VDAC1: variants seen among roughly 807,000 people sequenced by gnomAD.
VDAC1 encodes non-selective voltage-gated ion channel VDAC1.
A neutral mutation model predicts 34.7 loss-of-function variants in VDAC1; 10 were observed. The observed-to-expected ratio is 0.29, with a 90% CI of 0.18 to 0.49. The LOEUF (loss-of-function observed/expected upper bound fraction) is 0.49. VDAC1 is among the 20% of genes least tolerant of loss of function. The pLI is 0.99. For missense variants in VDAC1, 230 were observed against 347.9 expected (o/e 0.66, Z 2.69); for synonymous variants, 130 against 136.0 (o/e 0.96, Z 0.30).
chr5:134,067,972 G>C, the VDAC1 span, among the ~76,000 whole-genome samples: 2 of 152,104 alleles, frequency 1.3e-5, no homozygotes. Context: ...AAAAAAATTA[G>C]CCGGTCATGG....
the VDAC1 span, among the ~76,000 whole-genome samples, chr5:134,104,625 T>A: frequency 6.6e-6 from 1 of 152,150 alleles, no homozygotes; most frequent in Non-Finnish European, 1.5e-5. Flanking sequence ...TACCTCCTGC[T>A]TCAGCTTTTT....
chr5:134,088,336 G>GC, the VDAC1 span, among the ~76,000 whole-genome samples: 1 of 152,198 alleles, frequency 6.6e-6, no homozygotes, highest in Non-Finnish European at 1.5e-5. Context: ...TGAAAAGGGG[G>GC]CCCCCAAGGC....
At chr5:133,978,019 G>A (rs531331588) in intron 6 of VDAC1, among the ~76,000 whole-genome samples, 4 of 152,222 alleles carry the variant, frequency 2.6e-5, no homozygotes, top group Non-Finnish European at 4.4e-5. Context: ...CCTCATCATT[G>A]TGGGCATTTC....
the VDAC1 span, among the ~76,000 whole-genome samples, chr5:134,020,718 C>A: frequency 2.0e-5 from 3 of 151,892 alleles, no homozygotes; most frequent in Admixed American, 6.6e-5. Context: ...GCTCAGTCAC[C>A]CAGGCTGGAG....
chr5:134,032,393 C>T, the VDAC1 span, among the ~76,000 whole-genome samples: 1 of 152,044 alleles, frequency 6.6e-6, no homozygotes, highest in Non-Finnish European at 1.5e-5. Context: ...AATAGGAAAC[C>T]AATATATTAC....
chr5:134,034,953 G>A, the VDAC1 span, among the ~76,000 whole-genome samples: 2 of 152,050 alleles, frequency 1.3e-5, no homozygotes, highest in African/African-American at 4.8e-5. Flanking sequence ...AGAGAGGGGG[G>A]ACATGTAGAA....
intron 1 of VDAC1, among the ~76,000 whole-genome samples, chr5:134,000,204 G>A (rs749831985): frequency 6.6e-6 from 1 of 152,200 alleles, no homozygotes; most frequent in Non-Finnish European, 1.5e-5. Flanking sequence ...CCAGGATGCT[G>A]GCAAAGGCTG....
At chr5:134,045,508 C>T in the VDAC1 span, among the ~76,000 whole-genome samples, 1 of 152,140 alleles carries the variant, frequency 6.6e-6, no homozygotes, top group Non-Finnish European at 1.5e-5. Flanking sequence ...TGGCTTAGGA[C>T]ATCATCCTCA....
chr5:134,084,987 C>A, the VDAC1 span, among the ~76,000 whole-genome samples: 1 of 152,146 alleles, frequency 6.6e-6, no homozygotes, highest in Admixed American at 6.5e-5. Flanking sequence ...CACCTCTCTA[C>A]CTCACAGGCC....
chr5:134,088,306 C>A, the VDAC1 span, among the ~76,000 whole-genome samples: 2 of 152,246 alleles, frequency 1.3e-5, no homozygotes, highest in Non-Finnish European at 2.9e-5. Context: ...GGACTAGGCA[C>A]AGGGTGGGCC....
At chr5:134,070,346 T>C in the VDAC1 span, among the ~76,000 whole-genome samples, 2 of 152,142 alleles carry the variant, frequency 1.3e-5, no homozygotes, top group East Asian at 1.9e-4. Context: ...TTTCATCCTA[T>C]CTAGTCACCC....
chr5:133,991,459 C>A (rs1314615162), intron 3 of VDAC1, among the ~76,000 whole-genome samples: 2 of 152,246 alleles, frequency 1.3e-5, no homozygotes, highest in African/African-American at 4.8e-5. Flanking sequence ...AGAAAAAGCA[C>A]TGAGCTAAAG....
chr5:134,080,628 A>C, the VDAC1 span, among the ~76,000 whole-genome samples: 1 of 152,214 alleles, frequency 6.6e-6, no homozygotes, highest in South Asian at 2.1e-4. Flanking sequence ...GGGCACCAAC[A>C]ACATGAGTTG....
chr5:134,017,071 C>A, the VDAC1 span, among the ~76,000 whole-genome samples: 5 of 152,236 alleles, frequency 3.3e-5, no homozygotes, highest in African/African-American at 4.8e-5. Flanking sequence ...GGAACTTCTT[C>A]AATCTACCTT....
At chr5:134,075,100 T>C in the VDAC1 span, among the ~76,000 whole-genome samples, 1 of 152,210 alleles carries the variant, frequency 6.6e-6, no homozygotes, top group Non-Finnish European at 1.5e-5. Flanking sequence ...ACAATTCACA[T>C]GCTATTCATA....
the VDAC1 span, among the ~76,000 whole-genome samples, chr5:134,084,789 A>G: frequency 0.02 from 3,028 of 152,372 alleles, 87 homozygotes; most frequent in African/African-American, 0.069. Flanking sequence ...TGCAAATCCA[A>G]GGCAATCCAG....
At chr5:134,008,640 C>G (rs1753791059), upstream of VDAC1, among the ~76,000 whole-genome samples, 1 of 152,118 alleles carries the variant, frequency 6.6e-6, no homozygotes, top group Admixed American at 6.5e-5. Flanking sequence ...TGAAACACTC[C>G]CAACTCTTCT....
the VDAC1 span, among the ~76,000 whole-genome samples, chr5:134,039,042 C>G: frequency 6.6e-6 from 1 of 152,204 alleles, no homozygotes; most frequent in South Asian, 2.1e-4. Flanking sequence ...TTGTGGCATT[C>G]ATTACTCGCT....
chr5:134,034,668 C>T, the VDAC1 span, among the ~76,000 whole-genome samples: 1 of 152,168 alleles, frequency 6.6e-6, no homozygotes, highest in African/African-American at 2.4e-5. Context: ...TGACGCCACC[C>T]AGCTTGTGGT....
Sources: gnomAD v4.1 joint callset for allele counts (sites outside exome capture counted in the v4.1 genomes callset) on GRCh38, gnomAD v4.1.1 for gene constraint, MANE v1.5 for transcripts, NCBI Gene and HGNC (gene_info 2026-07-23, HGNC 2026-07-21) for gene names.